VIT: variants seen among roughly 807,000 people sequenced by gnomAD.
VIT encodes vitrin.
A neutral mutation model predicts 78.0 loss-of-function variants in VIT; 99 were observed. That is an observed-to-expected ratio of 1.27 (90% CI 1.08 to 1.50). VIT has a LOEUF of 1.50. VIT is among the 40% of genes most tolerant of loss of function. The pLI, the probability that VIT is intolerant of heterozygous loss-of-function variation, is 0.00. For synonymous variants in VIT, 374 were observed against 334.3 expected (o/e 1.12, Z -1.29); for missense variants, 1,126 against 875.3 (o/e 1.29, Z -3.61).
chr2:36,759,587 C>T, intron 6 of VIT: 1 of 1,051,104 alleles, frequency 9.5e-7, no homozygotes, highest in African/African-American at 1.7e-5. Flanking sequence ...TTCCAGGTTT[C>T]TGTGTTAAAT....
At chr2:36,759,725 T>C (rs937067156) in intron 6 of VIT, 10 of 939,082 alleles carry the variant, frequency 1.1e-5, no homozygotes, top group Non-Finnish European at 1.3e-5. Context: ...AGCTAATACA[T>C]TATGAGCCTG....
At chr2:36,766,655 C>T (rs1669448179) in intron 6 of VIT, among the ~76,000 whole-genome samples, 2 of 152,176 alleles carry the variant, frequency 1.3e-5, no homozygotes, top group South Asian at 2.1e-4. Context: ...CCTAAACCAG[C>T]GCATCTAAAA....
intron 14 of VIT, among the ~76,000 whole-genome samples, chr2:36,807,776 A>C (rs62132498): frequency 0.048 from 7,359 of 152,250 alleles, 225 homozygotes; most frequent in African/African-American, 0.098. Flanking sequence ...TGGTAAATAA[A>C]TATTCATTTG....
intron 12 of VIT, among the ~76,000 whole-genome samples, chr2:36,790,098 A>C (rs1665383839): frequency 6.6e-6 from 1 of 152,228 alleles, no homozygotes; most frequent in Non-Finnish European, 1.5e-5. Flanking sequence ...AACTGGGAAA[A>C]AGGCAAAGAA....
chr2:36,755,154 C>A, intron 5 of VIT, 100 bp downstream of exon 5: 1 of 1,311,780 alleles, frequency 7.6e-7, no homozygotes, highest in East Asian at 2.6e-5. Flanking sequence ...CACCTCATTT[C>A]ATAAAAATCT....
chr2:36,781,655 G>A (rs1468507702), intron 9 of VIT, 72 bp from the exon 10 acceptor site: 2 of 1,547,766 alleles, frequency 1.3e-6, no homozygotes, highest in Non-Finnish European at 1.8e-6. Context: ...TATCATCCCG[G>A]CAATTCACTC....
chr2:36,777,443 CTA>C (rs1236359024), intron 9 of VIT, among the ~76,000 whole-genome samples: 1 of 152,048 alleles, frequency 6.6e-6, no homozygotes, highest in Non-Finnish European at 1.5e-5. Context: ...ATGCTGTAGA[CTA>C]TTAATAATTC....
chr2:36,757,076 T>G (rs1425999894), intron 5 of VIT, among the ~76,000 whole-genome samples: 2 of 152,212 alleles, frequency 1.3e-5, no homozygotes, highest in Admixed American at 1.3e-4. Context: ...GAAGCCTCTC[T>G]CGAATGGATG....
intron 2 of VIT, among the ~76,000 whole-genome samples, chr2:36,726,068 C>CAA (rs201797565): frequency 1.6e-4 from 16 of 100,878 alleles, no homozygotes; most frequent in African/African-American, 3.0e-4. Context: ...GACTCTGTCT[C>CAA]AAAAAAAAAA....
intron 5 of VIT, among the ~76,000 whole-genome samples, chr2:36,757,121 C>T (rs1668813904): frequency 6.6e-6 from 1 of 152,232 alleles, no homozygotes; most frequent in African/African-American, 2.4e-5. Context: ...GCATTGATAA[C>T]TGACTGGCAG....
At chr2:36,716,705 G>A (rs1666157550) in intron 2 of VIT, among the ~76,000 whole-genome samples, 1 of 152,018 alleles carries the variant, frequency 6.6e-6, no homozygotes, top group Non-Finnish European at 1.5e-5. Context: ...CACCTAGCTT[G>A]TGTATTCCTC....
In VIT at chr2:36,814,219, C is replaced by T. The variant is rs1667400200; in HGVS notation, c.1940C>T (p.Ala647Val). ...TATGCGATAGGCGTTGCCTGGGCTG[C>T]CCAAGAGGAGCTAGAAGTCATTGCC... The part of the protein sequence containing the change: ...ITYAIGVAWA[A>V]QEELEVIATH... Residue 647 changes from alanine (A) to valine (V), a missense_variant, in exon 16 of 16, where the codon GCC becomes GTC. Ala to Val is a moderately conservative substitution (Grantham distance 64, BLOSUM62 0). Coordinates refer to ENST00000379242, the MANE Select transcript of VIT (RefSeq NM_053276.4). The T allele has an allele frequency of 9.3e-6, 15 of 1,614,088 alleles. No individual in the cohort carries two copies. In the East Asian group the frequency reaches 3.1e-4, roughly 34 times the overall value.
intron 9 of VIT, among the ~76,000 whole-genome samples, chr2:36,777,638 T>TA (rs973891794): frequency 1.3e-5 from 2 of 152,190 alleles, no homozygotes; most frequent in African/African-American, 4.8e-5. Context: ...TGGGATTTTT[T>TA]ATCATATACC....
intron 1 of VIT, among the ~76,000 whole-genome samples, chr2:36,713,964 A>G (rs763407335): frequency 1.3e-5 from 2 of 152,250 alleles, no homozygotes; most frequent in African/African-American, 4.8e-5. Flanking sequence ...TTATCACACT[A>G]TTTCCAAAAT....
intron 4 of VIT, among the ~76,000 whole-genome samples, chr2:36,746,301 C>A (rs530718998): frequency 1.3e-5 from 2 of 152,074 alleles, no homozygotes; most frequent in East Asian, 3.9e-4. Flanking sequence ...GTTTTGGTAT[C>A]AGGATGATGT....
At chr2:36,730,746 C>A (rs563038589) in intron 3 of VIT, among the ~76,000 whole-genome samples, 2 of 152,116 alleles carry the variant, frequency 1.3e-5, no homozygotes, top group Non-Finnish European at 2.9e-5. Context: ...AGGGCTGAGA[C>A]GAATTTTATC....
intron 4 of VIT, among the ~76,000 whole-genome samples, chr2:36,748,547 A>G (rs1668273802): frequency 6.6e-6 from 1 of 152,184 alleles, no homozygotes; most frequent in Non-Finnish European, 1.5e-5. Context: ...TTCCAAATGT[A>G]TTATGAAATT....
intron 5 of VIT, among the ~76,000 whole-genome samples, chr2:36,757,726 C>A (rs1292073823): frequency 6.6e-6 from 1 of 152,210 alleles, no homozygotes; most frequent in African/African-American, 2.4e-5. Context: ...TTTTGCATCT[C>A]TATGGAGATA....
intron 3 of VIT, among the ~76,000 whole-genome samples, chr2:36,736,534 C>T (rs1667519080): frequency 1.3e-5 from 2 of 152,286 alleles, no homozygotes; most frequent in South Asian, 4.1e-4. Context: ...TGCAGAAGAG[C>T]CCCAGAAGCA....
Sources: gnomAD v4.1 joint callset for allele counts (sites outside exome capture counted in the v4.1 genomes callset) on GRCh38, gnomAD v4.1.1 for gene constraint, MANE v1.5 for transcripts, NCBI Gene and HGNC (gene_info 2026-07-23, HGNC 2026-07-21) for gene names.